The following FBXW7 variants were observed in gnomAD, a reference collection of about 807,000 sequenced individuals.
FBXW7 encodes the protein F-box/WD repeat-containing protein 7.
FBXW7 carries 11 observed loss-of-function variants against 86.3 expected under a neutral mutation model. The observed-to-expected ratio is 0.13, with a 90% CI of 0.08 to 0.21. The LOEUF is 0.21. Among genes scored for constraint, FBXW7 ranks in the 10% least tolerant of loss-of-function variants. The probability of loss-of-function intolerance (pLI) is 1.00; values close to 1 mark genes in which losing one functional copy is unlikely to be tolerated. For missense variants in FBXW7, 488 were observed against 847.4 expected (o/e 0.58, Z 5.27); for synonymous variants, 313 against 297.9 (o/e 1.05, Z -0.52).
intron 9 of FBXW7, among the ~76,000 whole-genome samples, chr4:152,330,512 C>CTCAAT (rs1433839254): frequency 2.6e-5 from 4 of 151,938 alleles, no homozygotes; most frequent in African/African-American, 9.7e-5. Context: ...TAAAAAGATA[C>CTCAAT]TCAATTTAAC....
At chr4:152,454,251 GCCC>G (rs36064556) in intron 2 of FBXW7, among the ~76,000 whole-genome samples, 2 of 100,108 alleles carry the variant, frequency 2.0e-5, no homozygotes, top group Non-Finnish European at 4.0e-5. Context: ...AACTCTCTAA[GCCC>G]CCCCCCCCTT....
intron 4 of FBXW7, among the ~76,000 whole-genome samples, chr4:152,406,216 A>G (rs1737410592): frequency 6.6e-6 from 1 of 152,246 alleles, no homozygotes; most frequent in African/African-American, 2.4e-5. Context: ...ATAAAGAACT[A>G]ATCAATGGAA....
intron 2 of FBXW7, among the ~76,000 whole-genome samples, chr4:152,533,060 C>T (rs2149752355): frequency 6.6e-6 from 1 of 152,124 alleles, no homozygotes; most frequent in Non-Finnish European, 1.5e-5. Context: ...CGTGGTAGCA[C>T]ATGCCTGTAG....
At chr4:152,340,264 G>A (rs974012515) in intron 6 of FBXW7, among the ~76,000 whole-genome samples, 2 of 151,964 alleles carry the variant, frequency 1.3e-5, no homozygotes, top group Non-Finnish European at 2.9e-5. Flanking sequence ...ATGTTACTTC[G>A]TGTTATCTTA....
intron 2 of FBXW7, among the ~76,000 whole-genome samples, chr4:152,486,985 T>C (rs1190246662): frequency 2.0e-5 from 3 of 152,156 alleles, no homozygotes; most frequent in Non-Finnish European, 4.4e-5. Flanking sequence ...TCTCATGGGA[T>C]CAATGTCGTA....
chr4:152,442,982 G>A (rs1245636081), intron 2 of FBXW7, among the ~76,000 whole-genome samples: 2 of 152,092 alleles, frequency 1.3e-5, no homozygotes, highest in Admixed American at 1.3e-4. Context: ...AGCACCCAAG[G>A]CCAGGCGCGG....
chr4:152,350,321 TC>T, intron 4 of FBXW7, among the ~76,000 whole-genome samples, 197 bp from the exon 5 acceptor site: 1 of 151,702 alleles, frequency 6.6e-6, no homozygotes, highest in Non-Finnish European at 1.5e-5. Flanking sequence ...AGGTGAATTT[TC>T]CCCCCTAATA....
chr4:152,502,262 C>T (rs190992499), intron 2 of FBXW7, among the ~76,000 whole-genome samples: 2 of 152,212 alleles, frequency 1.3e-5, no homozygotes, highest in Non-Finnish European at 2.9e-5. Flanking sequence ...TGTAAAATGT[C>T]CTTCTACTAA....
At chr4:152,332,058 T>C (rs1259782625) in intron 8 of FBXW7, among the ~76,000 whole-genome samples, 1 of 152,022 alleles carries the variant, frequency 6.6e-6, no homozygotes, top group Non-Finnish European at 1.5e-5. Flanking sequence ...AGTATTTTTA[T>C]ATTTTTTCAA....
chr4:152,373,851 C>T (rs1019146707), intron 4 of FBXW7, among the ~76,000 whole-genome samples: 12 of 151,932 alleles, frequency 7.9e-5, no homozygotes, highest in African/African-American at 2.7e-4. Context: ...TATTTATAGC[C>T]GGTGGCTTGC....
At chr4:152,425,646 G>GAA (rs956271899) in intron 2 of FBXW7, among the ~76,000 whole-genome samples, 1 of 133,326 alleles carries the variant, frequency 7.5e-6, no homozygotes, top group Non-Finnish European at 1.6e-5. Context: ...TTGACATGAA[G>GAA]AAAAAAAAAA....
chr4:152,487,399 A>G (rs74289472), intron 2 of FBXW7, among the ~76,000 whole-genome samples: 2,085 of 152,252 alleles, frequency 0.014, 25 homozygotes, highest in Middle Eastern at 0.037. Flanking sequence ...TAAAATAAAC[A>G]AACTTTAAGT....
At chr4:152,361,869 G>A (rs1345811684) in intron 4 of FBXW7, among the ~76,000 whole-genome samples, 1 of 151,472 alleles carries the variant, frequency 6.6e-6, no homozygotes, top group African/African-American at 2.4e-5. Context: ...GGGAGGCTAA[G>A]GCAGGAGAAT....
intron 2 of FBXW7, among the ~76,000 whole-genome samples, chr4:152,428,864 T>C (rs185147992): frequency 6.6e-6 from 1 of 152,340 alleles, no homozygotes; most frequent in East Asian, 1.9e-4. Context: ...TATAATCAAA[T>C]GTAAGTATAG....
chr4:152,419,598 G>A (rs149346168), intron 2 of FBXW7, among the ~76,000 whole-genome samples: 1 of 150,932 alleles, frequency 6.6e-6, no homozygotes, highest in African/African-American at 2.4e-5. Flanking sequence ...TTTCACTGGG[G>A]CTGCTATCCT....
At chr4:152,510,123 C>T (rs945132024) in intron 2 of FBXW7, among the ~76,000 whole-genome samples, 3 of 152,172 alleles carry the variant, frequency 2.0e-5, no homozygotes, top group Admixed American at 6.5e-5. Flanking sequence ...ATTTTTCATA[C>T]TTACAAAAAA....
intron 2 of FBXW7, among the ~76,000 whole-genome samples, chr4:152,513,807 TCAAA>T (rs1284275311): frequency 4.6e-5 from 7 of 152,160 alleles, no homozygotes; most frequent in African/African-American, 1.7e-4. Context: ...CCTATGAGAG[TCAAA>T]CAGTTGTTAA....
At chr4:152,414,686 T>C (rs756897307) in intron 2 of FBXW7, among the ~76,000 whole-genome samples, 2 of 152,126 alleles carry the variant, frequency 1.3e-5, no homozygotes, top group Admixed American at 6.6e-5. Context: ...GAAAAGAACA[T>C]TACTTTTCCT....
chr4:152,353,932 C>T (rs943058313), intron 4 of FBXW7, among the ~76,000 whole-genome samples: 1 of 152,112 alleles, frequency 6.6e-6, no homozygotes, highest in Non-Finnish European at 1.5e-5. Context: ...ATAGTTACCA[C>T]TATTCGAAGT....
Sources: gnomAD v4.1 joint callset for allele counts (sites outside exome capture counted in the v4.1 genomes callset) on GRCh38, gnomAD v4.1.1 for gene constraint, MANE v1.5 for transcripts, NCBI Gene and HGNC (gene_info 2026-07-23, HGNC 2026-07-21) for gene names.